Variants in CACNA1C observed in about 807,000 individuals in gnomAD.
The protein encoded by CACNA1C is calcium voltage-gated channel subunit alpha1 C.
Under a neutral mutation model 229.0 loss-of-function variants are expected in CACNA1C, and 30 were observed. That is an observed-to-expected ratio of 0.13 (90% CI 0.10 to 0.18). The LOEUF (loss-of-function observed/expected upper bound fraction) is 0.18. Among genes scored for constraint, CACNA1C ranks in the 10% least tolerant of loss-of-function variants. CACNA1C has a pLI of 1.00. For synonymous variants in CACNA1C, 1,114 were observed against 1,132.5 expected (o/e 0.98, Z 0.33); for missense variants, 1,658 against 2,845.0 (o/e 0.58, Z 9.49).
chr12:2,073,203 CGT>C (rs2061989964), intron 1 of CACNA1C, among the ~76,000 whole-genome samples: 1 of 152,146 alleles, frequency 6.6e-6, no homozygotes. Flanking sequence ...TTTAAAAAAA[CGT>C]GGTCCAACAG....
intron 5 of CACNA1C, among the ~76,000 whole-genome samples, chr12:2,469,121 A>G (rs930403258): frequency 6.6e-6 from 1 of 152,228 alleles, no homozygotes; most frequent in Non-Finnish European, 1.5e-5. Flanking sequence ...CCCCAAGGAT[A>G]TACAGAATCA....
chr12:2,451,917 T>C (rs1291195793), intron 4 of CACNA1C, among the ~76,000 whole-genome samples: 1 of 152,222 alleles, frequency 6.6e-6, no homozygotes, highest in Non-Finnish European at 1.5e-5. Flanking sequence ...CTAAGGGCTC[T>C]TCATCCTGTC....
intron 3 of CACNA1C, among the ~76,000 whole-genome samples, chr12:2,228,605 GA>G (rs1258074775): frequency 2.0e-5 from 3 of 152,204 alleles, no homozygotes; most frequent in Non-Finnish European, 4.4e-5. Context: ...GAAAAGGGGG[GA>G]TGGAGAGGAG....
At chr12:2,247,913 A>C (rs2154381781) in intron 3 of CACNA1C, among the ~76,000 whole-genome samples, 1 of 152,348 alleles carries the variant, frequency 6.6e-6, no homozygotes, top group East Asian at 1.9e-4. Flanking sequence ...TGGCCACTGC[A>C]GAGGGGGGAC....
intron 1 of CACNA1C, among the ~76,000 whole-genome samples, chr12:2,000,088 A>G (rs2041847742): frequency 6.6e-6 from 1 of 152,234 alleles, no homozygotes; most frequent in African/African-American, 2.4e-5. Flanking sequence ...AATGGCCCCT[A>G]CAGTACAGTA....
chr12:2,454,235 A>C (rs1462397633), intron 4 of CACNA1C, among the ~76,000 whole-genome samples: 1 of 152,190 alleles, frequency 6.6e-6, no homozygotes, highest in East Asian at 1.9e-4. Flanking sequence ...ACCTTCCTGC[A>C]GTAGCTTCTT....
At chr12:2,249,347 C>G in intron 3 of CACNA1C, among the ~76,000 whole-genome samples, 1 of 152,316 alleles carries the variant, frequency 6.6e-6, no homozygotes, top group South Asian at 2.1e-4. Context: ...CATAGCCACA[C>G]GTATCCATTT....
chr12:2,163,203 C>CAA (rs35977267), intron 3 of CACNA1C, among the ~76,000 whole-genome samples: 9,855 of 109,344 alleles, frequency 0.09, 513 homozygotes, highest in Non-Finnish European at 0.12. Flanking sequence ...AATTCCATCT[C>CAA]AAAAAAAAAA....
At chr12:2,309,985 C>T (rs975075820) in intron 3 of CACNA1C, among the ~76,000 whole-genome samples, 3 of 152,218 alleles carry the variant, frequency 2.0e-5, no homozygotes, top group Non-Finnish European at 4.4e-5. Flanking sequence ...AGTCTGGTAA[C>T]ACCCTAGTAC....
intron 1 of CACNA1C, among the ~76,000 whole-genome samples, chr12:2,104,920 C>T (rs111257924): frequency 6.6e-6 from 1 of 152,242 alleles, no homozygotes; most frequent in African/African-American, 2.4e-5. Flanking sequence ...AGTTGAAGGC[C>T]GTGGCTTAGC....
chr12:2,102,935 T>C (rs1471555982), intron 1 of CACNA1C, among the ~76,000 whole-genome samples: 1 of 152,242 alleles, frequency 6.6e-6, no homozygotes, highest in Non-Finnish European at 1.5e-5. Context: ...TATGGCTGCA[T>C]AGTATTCCAT....
chr12:2,192,840 CA>C (rs1476830093), intron 3 of CACNA1C, among the ~76,000 whole-genome samples: 4 of 152,066 alleles, frequency 2.6e-5, no homozygotes, highest in Non-Finnish European at 1.5e-5. Context: ...CGGTGAGGGA[CA>C]GCTGGAGAGG....
chr12:2,383,617 T>G (rs997994828), intron 3 of CACNA1C, among the ~76,000 whole-genome samples: 10 of 152,074 alleles, frequency 6.6e-5, no homozygotes, highest in African/African-American at 2.4e-4. Context: ...ATAATGTGAA[T>G]AGCAATAATA....
chr12:2,042,492 G>A (rs192942644), intron 1 of CACNA1C, among the ~76,000 whole-genome samples: 13 of 152,176 alleles, frequency 8.5e-5, no homozygotes, highest in Middle Eastern at 3.4e-3. Flanking sequence ...TTACATGATC[G>A]AAGGGATATG....
chr12:2,282,976 G>C (rs1301138749), intron 3 of CACNA1C, among the ~76,000 whole-genome samples: 1 of 151,884 alleles, frequency 6.6e-6, no homozygotes, highest in Non-Finnish European at 1.5e-5. Flanking sequence ...CCCCATTCAA[G>C]GCAGGTGGAA....
chr12:2,146,828 CT>C (rs113412449), intron 3 of CACNA1C, among the ~76,000 whole-genome samples: 3,143 of 151,006 alleles, frequency 0.021, 116 homozygotes, highest in African/African-American at 0.071. Context: ...TTTTTCAGGC[CT>C]TTAATCATCC....
upstream of CACNA1C, among the ~76,000 whole-genome samples, chr12:2,049,714 A>C (rs1379222975): frequency 1.3e-5 from 2 of 152,208 alleles, no homozygotes; most frequent in East Asian, 3.8e-4. Context: ...GACCTATGGG[A>C]GATTCTTTAG....
At position 2,601,105 on chromosome 12, in the gene CACNA1C, T is replaced by C. The variant is rs1424848673; in HGVS notation, c.2854-749T>C. Among the ~76,000 whole-genome samples the C allele has an allele frequency of 6.6e-6, 1 of 152,200 alleles. No individual in the cohort carries two copies. The highest frequency in any genetic ancestry group is 1.5e-5 in the Non-Finnish European group (1 of 68,026). ...TAGCCACTGAGCCTCATAGCCCCTC[T>C]GATCACACAACTTTTGCCCTTAAAG... is the stretch of plus-strand genomic sequence containing the variant. On this transcript the variant is annotated intron_variant, in intron 21 of 46. Transcript: ENST00000399655. The surrounding 1 kb of genome is among the most constrained non-coding windows in gnomAD (Gnocchi z 5.9).
chr12:2,099,540 A>G (rs1419086859), intron 1 of CACNA1C, among the ~76,000 whole-genome samples: 1 of 152,042 alleles, frequency 6.6e-6, no homozygotes, highest in African/African-American at 2.4e-5. Context: ...GGAATCTGGC[A>G]CTGGGGTGGC....
Sources: allele counts gnomAD v4.1 joint callset (sites outside exome capture counted in the v4.1 genomes callset), GRCh38; gene constraint gnomAD v4.1.1; non-coding constraint Gnocchi (gnomAD v3.1); transcripts MANE v1.5; gene names NCBI Gene and HGNC (gene_info 2026-07-23, HGNC 2026-07-21).